SPAG16: variants seen among roughly 807,000 people sequenced by gnomAD.
The protein encoded by SPAG16 is sperm associated antigen 16, also known as sperm-associated antigen 16 protein.
A neutral mutation model predicts 80.4 loss-of-function variants in SPAG16; 86 were observed. That is an observed-to-expected ratio of 1.07 (90% CI 0.90 to 1.28). SPAG16 has a LOEUF of 1.28. Among genes scored for constraint, SPAG16 ranks in the 50% most tolerant of loss-of-function variants. The pLI, the probability that SPAG16 is intolerant of heterozygous loss-of-function variation, is 0.00. For missense variants in SPAG16, 870 were observed against 765.3 expected (o/e 1.14, Z -1.61); for synonymous variants, 294 against 265.9 (o/e 1.11, Z -1.03).
intron 13 of SPAG16, among the ~76,000 whole-genome samples, chr2:214,058,404 A>G (rs2050056129): frequency 2.0e-5 from 3 of 152,162 alleles, no homozygotes; most frequent in Admixed American, 1.3e-4. Flanking sequence ...CAGAACACAT[A>G]CAGCATTTAT....
intron 11 of SPAG16, among the ~76,000 whole-genome samples, chr2:213,887,644 G>A (rs1230979463): frequency 6.6e-6 from 1 of 151,356 alleles, no homozygotes; most frequent in African/African-American, 2.4e-5. Context: ...TCAGATCATA[G>A]TAATTTTTAG....
intron 13 of SPAG16, among the ~76,000 whole-genome samples, chr2:214,059,222 G>GTGTATATATATATATATATATA (rs1553706195): frequency 8.2e-6 from 1 of 121,480 alleles, no homozygotes; most frequent in African/African-American, 3.4e-5. Context: ...ATATGTATGT[G>GTGTATATATATATATATATATA]TATATATATA....
At chr2:213,800,327 CCTCCCTCTCTCCCTCT>C (rs765517524) in intron 10 of SPAG16, among the ~76,000 whole-genome samples, 208 of 128,704 alleles carry the variant, frequency 1.6e-3, no homozygotes, top group Non-Finnish European at 2.7e-3. Flanking sequence ...TCCCTCCCTC[CCTCCCTCTCTCCCTCT>C]CTCCCTCTCT....
chr2:213,400,548 A>G (rs2125334676), intron 9 of SPAG16, among the ~76,000 whole-genome samples: 1 of 152,244 alleles, frequency 6.6e-6, no homozygotes, highest in East Asian at 1.9e-4. Context: ...ATTTCTTGGG[A>G]GTTGCTATGG....
intron 15 of SPAG16, among the ~76,000 whole-genome samples, chr2:214,309,993 A>G (rs1164812339): frequency 6.6e-6 from 1 of 152,024 alleles, no homozygotes; most frequent in Non-Finnish European, 1.5e-5. Context: ...GAGCTTCCTT[A>G]TAGTCTATAT....
chr2:213,410,985 G>A (rs1390647880), intron 9 of SPAG16, among the ~76,000 whole-genome samples: 1 of 152,198 alleles, frequency 6.6e-6, no homozygotes, highest in Non-Finnish European at 1.5e-5. Flanking sequence ...AGGAAACCTA[G>A]TGTTCCTTAG....
chr2:213,711,181 C>G (rs562186425), intron 10 of SPAG16, among the ~76,000 whole-genome samples: 25 of 152,110 alleles, frequency 1.6e-4, no homozygotes, highest in Non-Finnish European at 3.1e-4. Context: ...CTTATTGCCT[C>G]AGTCACTCAA....
chr2:213,323,554 C>T (rs929985193), intron 5 of SPAG16, among the ~76,000 whole-genome samples: 10 of 152,106 alleles, frequency 6.6e-5, no homozygotes, highest in Admixed American at 1.3e-4. Flanking sequence ...CACTGAAAAC[C>T]GAATAAAGGT....
intron 15 of SPAG16, among the ~76,000 whole-genome samples, chr2:214,344,715 A>G (rs370947286): frequency 2.9e-4 from 44 of 152,326 alleles, no homozygotes; most frequent in African/African-American, 1.0e-3. Flanking sequence ...CTGCAGCTGA[A>G]TAACGTTCGA....
chr2:213,966,023 A>T (rs975324915), intron 12 of SPAG16, among the ~76,000 whole-genome samples: 5 of 152,218 alleles, frequency 3.3e-5, no homozygotes, highest in African/African-American at 9.6e-5. Flanking sequence ...TTAAGGTTAG[A>T]TGGAGAAAGG....
intron 15 of SPAG16, among the ~76,000 whole-genome samples, chr2:214,318,311 T>C (rs978746031): frequency 5.9e-5 from 9 of 151,402 alleles, no homozygotes; most frequent in African/African-American, 1.9e-4. Flanking sequence ...TAGTGGAAGA[T>C]CTGATTTACT....
chr2:213,795,527 A>G (rs535241551), intron 10 of SPAG16, among the ~76,000 whole-genome samples: 1 of 152,112 alleles, frequency 6.6e-6, no homozygotes, highest in African/African-American at 2.4e-5. Flanking sequence ...ATTACAGACA[A>G]TTTTCTGTTT....
intron 10 of SPAG16, among the ~76,000 whole-genome samples, chr2:213,684,215 C>A (rs763460614): frequency 6.6e-6 from 1 of 152,174 alleles, no homozygotes; most frequent in African/African-American, 2.4e-5. Flanking sequence ...AAATATCAGT[C>A]ATTTCTCTCA....
chr2:213,840,643 T>G (rs1224349906), intron 10 of SPAG16, among the ~76,000 whole-genome samples: 1 of 151,946 alleles, frequency 6.6e-6, no homozygotes, highest in Non-Finnish European at 1.5e-5. Flanking sequence ...AGACGACCAG[T>G]TAGAGAAAAG....
chr2:213,909,127 A>G (rs2077550535), intron 11 of SPAG16, among the ~76,000 whole-genome samples: 1 of 152,210 alleles, frequency 6.6e-6, no homozygotes, highest in Non-Finnish European at 1.5e-5. Flanking sequence ...CACATTCACA[A>G]TTGCTTCAAA....
intron 15 of SPAG16, among the ~76,000 whole-genome samples, chr2:214,230,809 AG>A (rs2125800126): frequency 6.6e-6 from 1 of 152,006 alleles, no homozygotes; most frequent in African/African-American, 2.4e-5. Context: ...GGCAATGAGG[AG>A]GGGTCATTAC....
intron 11 of SPAG16, among the ~76,000 whole-genome samples, chr2:213,908,334 T>G (rs151287418): frequency 1.3e-5 from 2 of 152,312 alleles, no homozygotes; most frequent in Non-Finnish European, 2.9e-5. Context: ...CCTTTTGAAC[T>G]CCACCTGCCC....
intron 10 of SPAG16, among the ~76,000 whole-genome samples, chr2:213,550,091 A>T (rs980505001): frequency 6.6e-6 from 1 of 152,052 alleles, no homozygotes; most frequent in African/African-American, 2.4e-5. Context: ...TTGGGTGTGT[A>T]TGTGGGTGTG....
intron 8 of SPAG16, among the ~76,000 whole-genome samples, chr2:213,367,008 A>G (rs888296359): frequency 2.0e-5 from 3 of 151,978 alleles, no homozygotes; most frequent in Non-Finnish European, 4.4e-5. Flanking sequence ...TCATTGTTCA[A>G]TTCCCACCTG....
Sources: allele counts gnomAD v4.1 joint callset (sites outside exome capture counted in the v4.1 genomes callset), GRCh38; gene constraint gnomAD v4.1.1; transcripts MANE v1.5; gene names NCBI Gene and HGNC (gene_info 2026-07-23, HGNC 2026-07-21).